Variants in UHRF2 observed in about 807,000 individuals in gnomAD.
UHRF2 encodes the protein E3 ubiquitin-protein ligase UHRF2.
Under a neutral mutation model 96.8 loss-of-function variants are expected in UHRF2, and 23 were observed. That is an observed-to-expected ratio of 0.24 (90% confidence interval 0.17 to 0.34). The LOEUF (loss-of-function observed/expected upper bound fraction) is 0.34, where lower values mean the gene tolerates loss of function less well. Among genes scored for constraint, UHRF2 ranks in the 10% least tolerant of loss-of-function variants. UHRF2 has a pLI of 1.00. For synonymous variants in UHRF2, 385 were observed against 332.6 expected, an observed-to-expected ratio of 1.16 and a Z score of -1.72; for missense variants, 685 against 981.5, an observed-to-expected ratio of 0.70 and a Z score of 4.04.
At chr9:6,443,255 T>C (rs1420096128) in intron 3 of UHRF2, among the ~76,000 whole-genome samples, 1 of 152,162 alleles carries the variant, frequency 6.6e-6, no homozygotes, top group South Asian at 2.1e-4. Context: ...ATCCAATAAT[T>C]CTCTTGTTAA....
At chr9:6,444,127 A>C (rs1418184472) in intron 3 of UHRF2, among the ~76,000 whole-genome samples, 2 of 152,156 alleles carry the variant, frequency 1.3e-5, no homozygotes, top group Non-Finnish European at 2.9e-5. Flanking sequence ...TTTTGATGGG[A>C]GAGAGAGTAG....
intron 4 of UHRF2, among the ~76,000 whole-genome samples, chr9:6,462,453 A>G (rs550070594): frequency 6.6e-6 from 1 of 152,338 alleles, no homozygotes; most frequent in Admixed American, 6.5e-5. Flanking sequence ...ACAGACTTCT[A>G]AACAACTTGA....
At chr9:6,498,875 AC>A (rs1357136058) in intron 12 of UHRF2, 1 of 152,168 alleles carries the variant, frequency 6.6e-6, no homozygotes, top group Non-Finnish European at 1.5e-5. Flanking sequence ...CTCTGCCCAC[AC>A]TGCATGTGTA....
chr9:6,477,482 C>A (rs1823653376), intron 5 of UHRF2, 140 bp from the exon 6 acceptor site: 4 of 694,008 alleles, frequency 5.8e-6, no homozygotes, highest in Non-Finnish European at 9.1e-6. Context: ...GCCAAGATCA[C>A]GCCATTGCAC....
chr9:6,488,791 C>T (rs1357075105), intron 9 of UHRF2, among the ~76,000 whole-genome samples: 3 of 148,314 alleles, frequency 2.0e-5, no homozygotes, highest in Non-Finnish European at 3.0e-5. Flanking sequence ...CATGAGCTAC[C>T]GTGCTGAGTG....
chr9:6,485,595 A>G (rs1415721469), intron 8 of UHRF2, among the ~76,000 whole-genome samples: 1 of 148,682 alleles, frequency 6.7e-6, no homozygotes, highest in African/African-American at 2.5e-5. Context: ...AAAAGCTTCT[A>G]AAGTGCCTTT....
chr9:6,476,951 A>G (rs577571474), intron 5 of UHRF2, among the ~76,000 whole-genome samples: 1 of 152,150 alleles, frequency 6.6e-6, no homozygotes, highest in Non-Finnish European at 1.5e-5. Flanking sequence ...CTTTCTTTTC[A>G]TTAGAAAAGC....
In UHRF2 at chr9:6,500,699, T is replaced by G; in HGVS notation, c.2153T>G (p.Val718Gly). The part of the protein sequence containing the change: ...KLWDEVLSHL[V>G]EGPNFLKKLE... ...TGGGATGAAGTGCTTTCACATCTTG[T>G]GGAAGGACCAGTATGTGAAGATTTT... is the stretch of plus-strand genomic sequence containing the variant. Residue 718 changes from valine (V) to glycine (G), a missense_variant, in exon 14 of 16, where the codon GTG (valine) becomes GGG (glycine). Physicochemically the swap from Val to Gly is moderately radical, Grantham distance 109. Coordinates refer to ENST00000276893, the MANE Select transcript of UHRF2 (RefSeq NM_152896.3). 6.2e-7 allele frequency: 1 copy of G among 1,610,876 alleles called. No individual in the cohort carries two copies. Among genetic ancestry groups the G allele is most frequent in the South Asian group, 1.1e-5 (1 of 90,136 alleles).
intron 4 of UHRF2, among the ~76,000 whole-genome samples, chr9:6,470,176 C>G (rs770132287): frequency 1.6e-4 from 25 of 152,108 alleles, no homozygotes; most frequent in Non-Finnish European, 3.5e-4. Context: ...AATTCAAGAC[C>G]AGCCTGGCCA....
At chr9:6,477,036 C>G (rs945567295) in intron 5 of UHRF2, among the ~76,000 whole-genome samples, 1 of 152,000 alleles carries the variant, frequency 6.6e-6, no homozygotes, top group African/African-American at 2.4e-5. Flanking sequence ...AGTTTGAGAC[C>G]AGTCTGGCCA....
chr9:6,447,525 G>A (rs1298369264), intron 3 of UHRF2, among the ~76,000 whole-genome samples: 2 of 152,164 alleles, frequency 1.3e-5, no homozygotes, highest in Non-Finnish European at 2.9e-5. Flanking sequence ...AAAATATGGG[G>A]CTACCTGAGA....
chr9:6,486,660 A>G (rs368240469), intron 8 of UHRF2, among the ~76,000 whole-genome samples, 161 bp from the exon 9 acceptor site: 136 of 152,076 alleles, frequency 8.9e-4, no homozygotes, highest in African/African-American at 3.2e-3. Flanking sequence ...CACTTCTTGG[A>G]TCTTTAGGTA....
intron 3 of UHRF2, among the ~76,000 whole-genome samples, chr9:6,452,877 A>T (rs1394007593): frequency 6.6e-6 from 1 of 152,182 alleles, no homozygotes; most frequent in Admixed American, 6.5e-5. Flanking sequence ...TTGTCACTGT[A>T]TATTTTAAAA....
At chr9:6,449,753 G>C (rs1469029163) in intron 3 of UHRF2, among the ~76,000 whole-genome samples, 1 of 152,208 alleles carries the variant, frequency 6.6e-6, no homozygotes, top group Admixed American at 6.5e-5. Context: ...GCTTCTGGGA[G>C]TCTGGAATTC....
chr9:6,480,343 A>G (rs569809209), intron 6 of UHRF2, among the ~76,000 whole-genome samples: 10 of 152,306 alleles, frequency 6.6e-5, no homozygotes, highest in South Asian at 2.1e-4. Context: ...CTTCACTACT[A>G]TGTACAAACA....
intron 3 of UHRF2, among the ~76,000 whole-genome samples, chr9:6,459,201 G>A (rs1392766910): frequency 6.6e-6 from 1 of 151,958 alleles, no homozygotes; most frequent in Non-Finnish European, 1.5e-5. Context: ...AGGTATCCAA[G>A]AACTTAAATT....
intron 14 of UHRF2, among the ~76,000 whole-genome samples, chr9:6,501,165 A>G (rs920899471): frequency 6.6e-6 from 1 of 152,194 alleles, no homozygotes; most frequent in Non-Finnish European, 1.5e-5. Flanking sequence ...TTTTTTCTTA[A>G]TCTTTAAATT....
chr9:6,469,705 C>CATGTATATACATAT (rs1823110196), intron 4 of UHRF2, among the ~76,000 whole-genome samples: 1 of 147,772 alleles, frequency 6.8e-6, no homozygotes, highest in Non-Finnish European at 1.5e-5. Flanking sequence ...TATATACATA[C>CATGTATATACATAT]ATATACACAC....
chr9:6,471,526 G>T (rs1334657395), intron 4 of UHRF2, among the ~76,000 whole-genome samples: 1 of 152,128 alleles, frequency 6.6e-6, no homozygotes, highest in African/African-American at 2.4e-5. Context: ...TCCATTTTGG[G>T]TGCGCCCTCT....
Sources: allele counts gnomAD v4.1 joint callset (sites outside exome capture counted in the v4.1 genomes callset), GRCh38; gene constraint gnomAD v4.1.1; transcripts MANE v1.5; gene names NCBI Gene and HGNC (gene_info 2026-07-23, HGNC 2026-07-21).